CMTM8: variants seen among roughly 807,000 people sequenced by gnomAD.
CMTM8 encodes CKLF-like MARVEL transmembrane domain-containing protein 8.
A neutral mutation model predicts 18.6 loss-of-function variants in CMTM8; 12 were observed. The ratio of observed to expected loss-of-function variants is 0.65; its 90% CI spans 0.41 to 1.05. The LOEUF (loss-of-function observed/expected upper bound fraction) is 1.05, where lower values mean the gene tolerates loss of function less well. Among genes scored for constraint, CMTM8 ranks in the 50% least tolerant of loss-of-function variants. The pLI, the probability that CMTM8 is intolerant of heterozygous loss-of-function variation, is 0.00. For missense variants in CMTM8, 217 were observed against 227.2 expected (o/e 0.95, Z 0.29); for synonymous variants, 87 against 90.6 (o/e 0.96, Z 0.23).
chr3:32,287,017 C>G (rs1702699413), intron 1 of CMTM8, among the ~76,000 whole-genome samples: 1 of 152,204 alleles, frequency 6.6e-6, no homozygotes, highest in Non-Finnish European at 1.5e-5. Context: ...GTTTCTTCTG[C>G]TTTAAAGGTG....
intron 1 of CMTM8, among the ~76,000 whole-genome samples, chr3:32,253,704 C>A (rs376752574): frequency 1.3e-5 from 2 of 151,866 alleles, no homozygotes; most frequent in African/African-American, 4.8e-5. Flanking sequence ...ATGCATTTCT[C>A]CAATTTCTTT....
chr3:32,355,290 A>G (rs1353921396), intron 1 of CMTM8, among the ~76,000 whole-genome samples: 2 of 152,040 alleles, frequency 1.3e-5, no homozygotes, highest in Admixed American at 6.6e-5. Flanking sequence ...TGAAAATTCA[A>G]CTCATGAACA....
chr3:32,260,368 T>G, intron 1 of CMTM8: 1 of 539,114 alleles, frequency 1.9e-6, no homozygotes, highest in Middle Eastern at 5.0e-4. Context: ...ATATTTTTCA[T>G]GTGCTTTAAA....
chr3:32,285,120 G>C (rs1702659260), intron 1 of CMTM8, among the ~76,000 whole-genome samples: 1 of 152,126 alleles, frequency 6.6e-6, no homozygotes, highest in South Asian at 2.1e-4. Flanking sequence ...GGCCACTTTG[G>C]GTACATGCTA....
chr3:32,316,189 G>T (rs370564944), intron 1 of CMTM8, among the ~76,000 whole-genome samples: 1 of 151,852 alleles, frequency 6.6e-6, no homozygotes, highest in African/African-American at 2.4e-5. Context: ...CACCAAGCCC[G>T]GCTAATTTTT....
intron 1 of CMTM8, among the ~76,000 whole-genome samples, chr3:32,309,603 G>A (rs1695783859): frequency 6.6e-6 from 1 of 152,036 alleles, no homozygotes; most frequent in African/African-American, 2.4e-5. Context: ...CACCATACCT[G>A]GCCAACCAAT....
chr3:32,347,334 A>G (rs1343823014), intron 1 of CMTM8, among the ~76,000 whole-genome samples: 7 of 135,650 alleles, frequency 5.2e-5, no homozygotes, highest in African/African-American at 1.9e-4. Flanking sequence ...CTTTATAGAC[A>G]CTCTGTTTCT....
intron 1 of CMTM8, among the ~76,000 whole-genome samples, chr3:32,270,799 A>G (rs73067562): frequency 0.44 from 67,253 of 151,626 alleles, 16,159 homozygotes; most frequent in South Asian, 0.59. Context: ...CAGCACACCA[A>G]CATGGCACAT....
intron 1 of CMTM8, chr3:32,259,131 C>T (rs1448125785): frequency 2.4e-5 from 10 of 412,830 alleles, no homozygotes; most frequent in East Asian, 5.6e-5. Flanking sequence ...GCATGGGGTC[C>T]GGGGACCTGG....
At chr3:32,332,256 G>T (rs1040812544) in intron 1 of CMTM8, among the ~76,000 whole-genome samples, 2 of 152,346 alleles carry the variant, frequency 1.3e-5, no homozygotes, top group African/African-American at 4.8e-5. Flanking sequence ...AGGATGTAAA[G>T]CTGGGGTGCT....
intron 2 of CMTM8, 86 bp downstream of exon 2, chr3:32,357,632 T>C: frequency 7.3e-7 from 1 of 1,363,016 alleles, no homozygotes; most frequent in Non-Finnish European, 1.0e-6. Flanking sequence ...AGACTGTCTC[T>C]CTGCCCAGAA....
intron 1 of CMTM8, among the ~76,000 whole-genome samples, chr3:32,341,915 T>C: frequency 6.6e-6 from 1 of 151,942 alleles, no homozygotes; most frequent in Non-Finnish European, 1.5e-5. Flanking sequence ...TTTAACTCAC[T>C]GTGCCTTGGT....
chr3:32,285,244 G>A (rs1045952436), intron 1 of CMTM8, among the ~76,000 whole-genome samples: 2 of 152,192 alleles, frequency 1.3e-5, no homozygotes, highest in African/African-American at 2.4e-5. Flanking sequence ...GCTGGGTGCA[G>A]TGGCTCACGC....
intron 1 of CMTM8, among the ~76,000 whole-genome samples, chr3:32,286,183 C>G (rs1401136023): frequency 6.6e-6 from 1 of 152,160 alleles, no homozygotes; most frequent in Admixed American, 6.5e-5. Context: ...GTAGCACAAA[C>G]GCAGCCAGAG....
chr3:32,347,946 A>G (rs1395077028), intron 1 of CMTM8, among the ~76,000 whole-genome samples: 4 of 152,060 alleles, frequency 2.6e-5, no homozygotes, highest in Non-Finnish European at 4.4e-5. Flanking sequence ...GGCATCTGTC[A>G]TGCTTGGATT....
At chr3:32,270,029 C>G (rs143176389) in intron 1 of CMTM8, among the ~76,000 whole-genome samples, 37 of 152,144 alleles carry the variant, frequency 2.4e-4, no homozygotes, top group African/African-American at 8.4e-4. Context: ...CTGCCTCAGC[C>G]TCTCAAAGTG....
At chr3:32,284,180 G>A (rs890009686) in intron 1 of CMTM8, among the ~76,000 whole-genome samples, 1 of 152,244 alleles carries the variant, frequency 6.6e-6, no homozygotes, top group Non-Finnish European at 1.5e-5. Flanking sequence ...TTGAGCCCGG[G>A]AGGCAGAGGT....
At chr3:32,326,332 C>A (rs976979464) in intron 1 of CMTM8, among the ~76,000 whole-genome samples, 4 of 152,108 alleles carry the variant, frequency 2.6e-5, no homozygotes, top group Non-Finnish European at 5.9e-5. Flanking sequence ...CCTTAACCTG[C>A]CATTCTGAGC....
chr3:32,300,480 G>T (rs955318176), intron 1 of CMTM8, among the ~76,000 whole-genome samples: 7 of 152,154 alleles, frequency 4.6e-5, no homozygotes, highest in Non-Finnish European at 1.0e-4. Context: ...ATCTGTGCTT[G>T]CCTTTTTGGG....
Sources: allele counts gnomAD v4.1 joint callset (sites outside exome capture counted in the v4.1 genomes callset), GRCh38; gene constraint gnomAD v4.1.1; transcripts MANE v1.5; gene names NCBI Gene and HGNC (gene_info 2026-07-23, HGNC 2026-07-21).